Variants in FHIP1A observed in about 807,000 individuals in gnomAD.
FHIP1A encodes the protein FHF complex subunit HOOK-interacting protein 1A.
Under a neutral mutation model 88.6 loss-of-function variants are expected in FHIP1A, and 61 were observed. The observed-to-expected ratio is 0.69, with a 90% confidence interval of 0.56 to 0.85. The LOEUF (loss-of-function observed/expected upper bound fraction) is 0.85, where lower values mean the gene tolerates loss of function less well. Ranked by LOEUF, FHIP1A falls within the 40% of genes least tolerant of loss-of-function variation. The pLI is 0.00. For synonymous variants in FHIP1A, 478 were observed against 496.0 expected (o/e 0.96, Z 0.48); for missense variants, 1,154 against 1,273.5 (o/e 0.91, Z 1.43).
intron 3 of FHIP1A, among the ~76,000 whole-genome samples, chr4:151,494,551 C>T (rs1730393531): frequency 1.3e-5 from 2 of 151,998 alleles, no homozygotes; most frequent in African/African-American, 4.8e-5. Context: ...TGTACTAGTA[C>T]CTTGCTGTTT....
Position 151,646,682 on chromosome 4 carries a change from A to G in FHIP1A, c.1351A>G (p.Thr451Ala), listed in dbSNP as rs1435574599. The change falls in exon 10 of 14, where the codon ACT (threonine) becomes GCT (alanine). Residue 451 changes from threonine (T) to alanine (A), a missense_variant. Coordinates refer to ENST00000435205, the MANE Select transcript of FHIP1A (RefSeq NM_001109977.3). ...TCCTGTCTGCTGCTCCAGCGGGATC[A>G]CTCTGACGCTGGGGAACCAAGAGAG... ...LTPVCCSSGI[T>A]LTLGNQERDY... 1 of 1,551,338 alleles carries G rather than the reference A, an allele frequency of 6.4e-7. No homozygotes were observed. The highest frequency in any genetic ancestry group is 8.7e-7 in the Non-Finnish European group (1 of 1,146,788).
rs1431174855 is a variant in FHIP1A, at chr4:151,588,825, G to GT, written c.892-14dup. 2 of 1,510,542 alleles carry GT rather than the reference G, an allele frequency of 1.3e-6. No individual in the cohort carries two copies. The highest frequency in any genetic ancestry group is 1.8e-6 in the Non-Finnish European group (2 of 1,109,890). The allele number at this position is 1,510,542 out of a possible 1,614,324, so 93.6% of individuals were successfully genotyped here. A position where few individuals can be genotyped will look rare whatever the true frequency, so the allele number is the denominator to read the frequency against. ...AACTCTTTGCCTTTTTCATGCCTAT[G>GT]TGCCTCTCTCTCAGGTGGCTCACCC... On this transcript the variant is annotated splice_polypyrimidine_tract_variant and intron_variant, in intron 6 of 13. Coordinates refer to ENST00000435205, the MANE Select transcript of FHIP1A (RefSeq NM_001109977.3).
rs1223433475 is a variant in FHIP1A at position 151,580,089 on chromosome 4, GT to G, written c.732+2020del. Among the ~76,000 whole-genome samples the G allele has an allele frequency of 2.0e-5, 3 of 152,180 alleles. No homozygotes were observed. The South Asian group carries it at 6.2e-4, about 32-fold the overall frequency. ...TACTGTGCCCCAAATTACTTCCATA[GT>G]TTTTTTCTCCCCATTTGTAGAGTCC... is the stretch of plus-strand genomic sequence containing the variant. On this transcript the variant is annotated intron_variant, in intron 5 of 13. Transcript: ENST00000435205.
At chr4:151,481,989 TAGG>T (rs1729913401) in intron 2 of FHIP1A, among the ~76,000 whole-genome samples, 1 of 152,104 alleles carries the variant, frequency 6.6e-6, no homozygotes, top group African/African-American at 2.4e-5. Context: ...GGCCTGATGA[TAGG>T]AGATGTGTGT....
chr4:151,609,926 T>C (rs1210540158), intron 7 of FHIP1A, among the ~76,000 whole-genome samples: 1 of 152,086 alleles, frequency 6.6e-6, no homozygotes, highest in African/African-American at 2.4e-5. Context: ...TAAATAAAAA[T>C]GCTGTCTTAA....
chr4:151,461,113 C>G (rs1055397212), intron 2 of FHIP1A, among the ~76,000 whole-genome samples: 2 of 152,080 alleles, frequency 1.3e-5, no homozygotes, highest in African/African-American at 4.8e-5. Context: ...GCCCAGCTAG[C>G]TGAAAATAAT....
chr4:151,564,564 G>C (rs548542069), intron 3 of FHIP1A, among the ~76,000 whole-genome samples: 1 of 152,308 alleles, frequency 6.6e-6, no homozygotes, highest in East Asian at 1.9e-4. Context: ...TGAAACACCA[G>C]ATGGACCCAA....
At chr4:151,609,027 A>G (rs1735191061) in intron 7 of FHIP1A, among the ~76,000 whole-genome samples, 1 of 152,176 alleles carries the variant, frequency 6.6e-6, no homozygotes, top group Non-Finnish European at 1.5e-5. Context: ...GCCAAGTGTC[A>G]TTATTTATTA....
intron 7 of FHIP1A, among the ~76,000 whole-genome samples, chr4:151,596,546 T>C (rs754530535): frequency 8.5e-5 from 13 of 152,184 alleles, no homozygotes; most frequent in Admixed American, 4.6e-4. Context: ...GTCTCTGTAT[T>C]TTCTGAATTT....
At chr4:151,427,689 T>C (rs1282493459) in intron 1 of FHIP1A, among the ~76,000 whole-genome samples, 4 of 152,166 alleles carry the variant, frequency 2.6e-5, no homozygotes, top group East Asian at 1.9e-4. Context: ...CATTTTGAAC[T>C]TCTTATTACA....
chr4:151,409,621 C>T lies in FHIP1A; in HGVS notation c.-356+156C>T, dbSNP rs185779714. 3.6e-4 allele frequency among the ~76,000 whole-genome samples: 54 copies of T among 151,976 alleles called. 2 individuals are homozygous for T. The East Asian group carries it at 0.01, about 29-fold the overall frequency. On this transcript the variant is annotated intron_variant, in intron 1 of 13. Transcript: ENST00000435205. ...GAGGGAGCAGGCATTGGGCTGGGGG[C>T]CGGCTGGGGATGTTCCAAACGAGGT...
At chr4:151,465,476 T>C (rs2126606924) in intron 2 of FHIP1A, among the ~76,000 whole-genome samples, 1 of 152,168 alleles carries the variant, frequency 6.6e-6, no homozygotes, top group East Asian at 1.9e-4. Context: ...CTTCTGAAAC[T>C]ATTCCAAACA....
intron 3 of FHIP1A, among the ~76,000 whole-genome samples, chr4:151,540,769 C>T (rs190076423): frequency 6.6e-6 from 1 of 152,136 alleles, no homozygotes; most frequent in Non-Finnish European, 1.5e-5. Flanking sequence ...GTGTTTTGCT[C>T]TCCTGAGTCA....
At chr4:151,506,008 G>A (rs533264783) in intron 3 of FHIP1A, among the ~76,000 whole-genome samples, 57 of 152,158 alleles carry the variant, frequency 3.7e-4, no homozygotes, top group African/African-American at 1.3e-3. Context: ...CTGGAACTTC[G>A]AACTCCTGAG....
intron 1 of FHIP1A, among the ~76,000 whole-genome samples, chr4:151,452,734 C>T (rs1486729680): frequency 6.6e-6 from 1 of 150,560 alleles, no homozygotes; most frequent in African/African-American, 2.4e-5. Flanking sequence ...CAGAGATTGG[C>T]GCCACTGTAC....
chr4:151,500,909 G>C (rs538709331), intron 3 of FHIP1A, among the ~76,000 whole-genome samples: 2 of 152,264 alleles, frequency 1.3e-5, no homozygotes, highest in South Asian at 4.1e-4. Flanking sequence ...TATGTTTAAA[G>C]TATTTTTAGC....
intron 3 of FHIP1A, among the ~76,000 whole-genome samples, chr4:151,559,588 A>C (rs1395399679): frequency 6.6e-6 from 1 of 152,230 alleles, no homozygotes; most frequent in Non-Finnish European, 1.5e-5. Flanking sequence ...TTATCCTATC[A>C]GTACATTAAG....
rs1256360366 is a variant in FHIP1A at position 151,670,053 on chromosome 4, C to G, written c.*7299C>G. On this transcript the variant is annotated 3_prime_UTR_variant, in exon 14 of 14. Coordinates refer to ENST00000435205, the MANE Select transcript of FHIP1A (RefSeq NM_001109977.3). Reference sequence around the variant, plus strand: ...AGGCTACAGGTTCACAGCTTCAAATCAAGGCCTCCAAGGATTTTATTCTCT... The same window carrying G: ...AGGCTACAGGTTCACAGCTTCAAATGAAGGCCTCCAAGGATTTTATTCTCT... 6.6e-6 allele frequency: 1 copy of G among 152,204 alleles called. No homozygotes were observed. Among genetic ancestry groups the G allele is most frequent in the Admixed American group, 6.5e-5 (1 of 15,280 alleles). The allele number at this position is 152,204 out of a possible 1,614,324, so 9.4% of individuals were successfully genotyped here.
chr4:151,656,436 A>G lies in FHIP1A; in HGVS notation c.2730+26A>G. ...GTATGTTAGCTGAACCCACATCCAC[A>G]CCTGTTGATTTTGTGGGTGCTAATT... On this transcript the variant is annotated intron_variant, in intron 12 of 13. Transcript: ENST00000435205. This position sits in a 1 kb window ranked among gnomAD's most constrained non-coding sequence, Gnocchi z 4.2. The G allele has an allele frequency of 6.5e-7, 1 of 1,541,946 alleles. No homozygotes were observed. The highest frequency in any genetic ancestry group is 8.8e-7 in the Non-Finnish European group (1 of 1,140,296).
Sources: allele counts gnomAD v4.1 joint callset (sites outside exome capture counted in the v4.1 genomes callset), GRCh38; gene constraint gnomAD v4.1.1; non-coding constraint Gnocchi (gnomAD v3.1); transcripts MANE v1.5; gene names NCBI Gene and HGNC (gene_info 2026-07-23, HGNC 2026-07-21).